HERC2: variants seen among roughly 807,000 people sequenced by gnomAD.
The protein encoded by HERC2 is E3 ubiquitin-protein ligase HERC2.
Under a neutral mutation model 537.7 loss-of-function variants are expected in HERC2, and 102 were observed. That is an observed-to-expected ratio of 0.19 (90% confidence interval 0.16 to 0.22). The LOEUF (loss-of-function observed/expected upper bound fraction) is 0.22, where lower values mean the gene tolerates loss of function less well. Ranked by LOEUF, HERC2 falls within the 10% of genes least tolerant of loss-of-function variation. The pLI is 1.00. For missense variants in HERC2, 4,236 were observed against 6,198.2 expected (o/e 0.68, Z 10.63); for synonymous variants, 2,224 against 2,466.2 (o/e 0.90, Z 2.91).
chr15:28,227,461 A>C lies in HERC2; in HGVS notation c.5464+757T>G, dbSNP rs529635315. On this transcript the variant is annotated intron_variant, in intron 35 of 92. Transcript: ENST00000261609. Reference sequence around the variant, plus strand: ...CCACTACGATGGCCTTCATCCAAAAAAAAAAAGAAAAAAAAAAAAAACACA... The same window carrying C: ...CCACTACGATGGCCTTCATCCAAAACAAAAAAGAAAAAAAAAAAAAACACA... Among the ~76,000 whole-genome samples, 429 of 149,380 alleles carry C rather than the reference A, an allele frequency of 2.9e-3. 2 individuals are homozygous for C. The highest frequency in any genetic ancestry group is 4.3e-3 in the Non-Finnish European group (292 of 67,876).
rs769828970 is a variant in HERC2 at position 28,274,994 on chromosome 15, G to A, written c.554C>T (p.Ala185Val). The change falls in exon 6 of 93, where the codon GCG becomes GTG. Residue 185 changes from alanine (A) to valine (V), a missense_variant. Physicochemically the swap from Ala to Val is moderately conservative, Grantham distance 64. Around this residue, in one of 27 missense-constraint regions of HERC2, gnomAD observed 491 missense variants for 559.3 expected, o/e 0.88. Transcript: ENST00000261609. ...PPVDKKSSRP[A>V]GKGVEGLARV... Reference sequence around the variant, plus strand: ...GGCGAGCCCCTCCACACCTTTGCCCGCAGGCCGGGAACTGCAGACGACACA... The same window carrying A: ...GGCGAGCCCCTCCACACCTTTGCCCACAGGCCGGGAACTGCAGACGACACA... 8.1e-6 allele frequency: 13 copies of A among 1,605,642 alleles called. No homozygotes were observed. The highest frequency in any genetic ancestry group is 6.7e-5 in the Admixed American group (4 of 59,990).
At chr15:28,124,484 G>A (rs767148906) in intron 84 of HERC2, among the ~76,000 whole-genome samples, 2 of 152,206 alleles carry the variant, frequency 1.3e-5, no homozygotes, top group Admixed American at 6.5e-5. Context: ...GAACAGTTTG[G>A]TGTGGAAGAG....
chr15:28,194,394 C>A (rs890915454), intron 52 of HERC2, among the ~76,000 whole-genome samples: 1 of 150,374 alleles, frequency 6.7e-6, no homozygotes, highest in Non-Finnish European at 1.5e-5. Context: ...CACGGTGAAA[C>A]CCCATCTCTA....
chr15:28,129,450 G>A (rs777780663), intron 83 of HERC2, among the ~76,000 whole-genome samples: 2 of 152,222 alleles, frequency 1.3e-5, no homozygotes, highest in South Asian at 2.1e-4. Flanking sequence ...TGCCTGGCGC[G>A]TACCAAGTTC....
intron 59 of HERC2, 73 bp downstream of exon 59, chr15:28,178,814 A>G (rs2140169027): frequency 1.3e-6 from 2 of 1,490,738 alleles, no homozygotes; most frequent in Non-Finnish European, 1.8e-6. Flanking sequence ...AAGGACACCA[A>G]TTAGGGCTTT....
chr15:28,251,201 T>C (rs1426582982), intron 20 of HERC2, among the ~76,000 whole-genome samples: 3 of 152,034 alleles, frequency 2.0e-5, no homozygotes, highest in Non-Finnish European at 4.4e-5. Context: ...CCAACACTTT[T>C]GGAGGCCAAG....
At chr15:28,257,432 C>T (rs1487710886) in intron 16 of HERC2, among the ~76,000 whole-genome samples, 171 bp from the exon 17 acceptor site, 2 of 147,046 alleles carry the variant, frequency 1.4e-5, no homozygotes, top group African/African-American at 2.7e-5. Context: ...TATCAGCTTC[C>T]GATTTTCCCA....
At chr15:28,240,388 C>T (rs1057103433) in intron 23 of HERC2, among the ~76,000 whole-genome samples, 3 of 151,872 alleles carry the variant, frequency 2.0e-5, no homozygotes, top group Non-Finnish European at 4.4e-5. Flanking sequence ...ACTACACTCC[C>T]GCCTGGGCGA....
At chr15:28,143,727 T>C (rs1891459663) in intron 74 of HERC2, 146 bp downstream of exon 74, 4 of 958,906 alleles carry the variant, frequency 4.2e-6, no homozygotes, top group African/African-American at 1.6e-5. Flanking sequence ...ATTACACGCA[T>C]GAGCCACCGC....
intron 87 of HERC2, 32 bp from the exon 88 acceptor site, chr15:28,116,891 C>G (rs566659841): frequency 1.2e-6 from 2 of 1,607,708 alleles, no homozygotes; most frequent in South Asian, 2.2e-5. Context: ...TCGAAGTCCC[C>G]TCACACAGTC....
chr15:28,244,446 C>T (rs1903460187), intron 23 of HERC2, among the ~76,000 whole-genome samples: 1 of 152,134 alleles, frequency 6.6e-6, no homozygotes, highest in Non-Finnish European at 1.5e-5. Flanking sequence ...GATGACCACA[C>T]AGCCTGGGGA....
intron 35 of HERC2, among the ~76,000 whole-genome samples, chr15:28,222,457 A>T (rs1297767576): frequency 6.6e-6 from 1 of 152,068 alleles, no homozygotes; most frequent in Non-Finnish European, 1.5e-5. Flanking sequence ...CAGTAAAGCT[A>T]CTCTCTCTAC....
At position 28,144,691 on chromosome 15, in the gene HERC2, G is replaced by A; in HGVS notation, c.11122C>T (p.Pro3708Ser). Residue 3708 changes from proline to serine, a missense_variant, in exon 72 of 93, where the codon CCC becomes TCC. Pro to Ser is a moderately conservative substitution (Grantham distance 74). Coordinates refer to ENST00000261609, the MANE Select transcript of HERC2 (RefSeq NM_004667.6). ...NGWGWRFTVY[P>S]IMPAAGPKEL... Reference sequence around the variant, plus strand: ...TCCTTACCAGCAGCTGGCATGATGGGATAGACGGTGAAGCGCCAGCCCCAG... The same window carrying A: ...TCCTTACCAGCAGCTGGCATGATGGAATAGACGGTGAAGCGCCAGCCCCAG... 1 of 1,614,174 alleles carries A rather than the reference G, an allele frequency of 6.2e-7. No individual in the cohort carries two copies. The highest frequency in any genetic ancestry group is 8.5e-7 in the Non-Finnish European group (1 of 1,180,026).
chr15:28,163,241 G>C lies in HERC2; in HGVS notation c.10599C>G (p.Ala3533=). 1 of 1,613,890 alleles carries C rather than the reference G, an allele frequency of 6.2e-7. No homozygotes were observed. Among genetic ancestry groups the C allele is most frequent in the Non-Finnish European group, 8.5e-7 (1 of 1,180,028 alleles). Residue 3533 remains alanine (A), a synonymous_variant, in exon 69 of 93, where the codon GCC becomes GCG. Transcript: ENST00000261609. ...TCAGCAGACTGGTGAACTCATCCAA[G>C]GCCTGAGGCTCCGGACCTGCTGCTT... The part of the protein sequence containing the change: ...QNKAAGPEPQ[A]LDEFTSLLIA...
chr15:28,318,355 G>A lies in HERC2; in HGVS notation c.72+3007C>T, dbSNP rs150536114. On this transcript the variant is annotated intron_variant, in intron 2 of 92. Transcript: ENST00000261609. The stretch of plus-strand genomic sequence containing the variant: ...GAAAAGTGTTGAACAGGCCGGGCGC[G>A]GTGGCTCACGCCTATAATCCCAGCA... Among the ~76,000 whole-genome samples, 1,164 of 152,124 alleles carry A rather than the reference G, an allele frequency of 7.7e-3. 3 individuals are homozygous for A. The highest frequency in any genetic ancestry group is 0.027 in the African/African-American group (1,104 of 41,434).
At position 28,229,199 on chromosome 15, in the gene HERC2, C is replaced by A. The variant is rs1438643468; in HGVS notation, c.5268G>T (p.Glu1756Asp). The part of the protein sequence containing the change: ...VLMDASAKFK[E>D]LGIQPVPLQT... Reference sequence around the variant, plus strand: ...TTGATACAATTATTGACTCACCAAGCTCTTTAAATTTGGCACTGGCATCCA... The same window carrying A: ...TTGATACAATTATTGACTCACCAAGATCTTTAAATTTGGCACTGGCATCCA... The change falls in exon 34 of 93, where the codon GAG (glutamate) becomes GAT (aspartate). Residue 1756 changes from glutamate to aspartate, a missense_variant. Around this residue, in one of 27 missense-constraint regions of HERC2, gnomAD observed 343 missense variants for 417.2 expected, o/e 0.82. Coordinates refer to ENST00000261609, the MANE Select transcript of HERC2 (RefSeq NM_004667.6). 4 of 1,611,630 alleles carry A rather than the reference C, an allele frequency of 2.5e-6. No homozygotes were observed. Among genetic ancestry groups the A allele is most frequent in the Non-Finnish European group, 3.4e-6 (4 of 1,179,070 alleles).
chr15:28,295,421 C>G (rs1447409134), intron 3 of HERC2, among the ~76,000 whole-genome samples: 2 of 152,026 alleles, frequency 1.3e-5, no homozygotes, highest in East Asian at 1.9e-4. Flanking sequence ...AAGTATTTTA[C>G]TTTTGTTGTT....
At position 28,135,653 on chromosome 15, in the gene HERC2, T is replaced by C. The variant is rs748554843; in HGVS notation, c.12055A>G (p.Ile4019Val). 2 of 1,614,150 alleles carry C rather than the reference T, an allele frequency of 1.2e-6. No individual in the cohort carries two copies. The highest frequency in any genetic ancestry group is 2.2e-5 in the East Asian group (1 of 44,888). ...TGYGAGGRLG[I>V]GGTESVSTPT... Reference sequence around the variant, plus strand: ...GTGGACACCGACTCTGTCCCTCCAATGCCTAGTCTGCCACCTGCACCATAC... The same window carrying C: ...GTGGACACCGACTCTGTCCCTCCAACGCCTAGTCTGCCACCTGCACCATAC... Residue 4019 changes from isoleucine to valine, a missense_variant, in exon 79 of 93, where the codon ATT (isoleucine) becomes GTT (valine). By Grantham distance (29) the Ile-to-Val change is conservative. Coordinates refer to ENST00000261609, the MANE Select transcript of HERC2 (RefSeq NM_004667.6).
chr15:28,270,848 G>A lies in HERC2; in HGVS notation c.1104C>T (p.Ser368=), dbSNP rs142149022. ...GGTACCTCAGGAAACTCTCATTGGG[G>A]CTCAGAGGGCCAGACAAAAGCTAGA... ...GDMHLLSGPL[S]PNESFLRYLT... Residue 368 remains serine (S), a synonymous_variant, in exon 10 of 93, where the codon AGC becomes AGT. Transcript: ENST00000261609. 1.9e-6 allele frequency: 3 copies of A among 1,613,654 alleles called. No homozygotes were observed. The African/African-American group carries it at 4.0e-5, about 22-fold the overall frequency.
Sources: allele counts gnomAD v4.1 joint callset (sites outside exome capture counted in the v4.1 genomes callset), GRCh38; gene constraint gnomAD v4.1.1; regional missense constraint gnomAD v4.1.1; transcripts MANE v1.5; gene names NCBI Gene and HGNC (gene_info 2026-07-23, HGNC 2026-07-21).